WWOX: variants seen among roughly 807,000 people sequenced by gnomAD.
WWOX encodes WW domain containing oxidoreductase.
In WWOX, 69 loss-of-function variants were observed where a neutral mutation model predicts 46.2. The observed-to-expected ratio is 1.49, with a 90% CI of 1.23 to 1.82. The LOEUF (loss-of-function observed/expected upper bound fraction) is 1.82. Ranked by LOEUF, WWOX falls within the 40% of genes most tolerant of loss-of-function variation. The pLI is 0.00. For synonymous variants in WWOX, 359 were observed against 202.6 expected (o/e 1.77, Z -6.56); for missense variants, 919 against 542.6 (o/e 1.69, Z -6.89).
intron 8 of WWOX, among the ~76,000 whole-genome samples, chr16:79,037,634 A>G (rs1276084605): frequency 2.0e-5 from 3 of 152,184 alleles, no homozygotes; most frequent in Non-Finnish European, 4.4e-5. Flanking sequence ...GCAGGTTGCC[A>G]CACCCTCCCA....
At chr16:78,981,427 T>C (rs1238301008) in intron 8 of WWOX, among the ~76,000 whole-genome samples, 1 of 145,366 alleles carries the variant, frequency 6.9e-6, no homozygotes, top group African/African-American at 2.6e-5. Flanking sequence ...AGGATGATGT[T>C]TATATGAAGC....
intron 8 of WWOX, among the ~76,000 whole-genome samples, chr16:79,106,409 C>T: frequency 6.6e-6 from 1 of 152,036 alleles, no homozygotes. Context: ...CCTCTTACCT[C>T]TAAATTCTAC....
rs564453995 is a variant in WWOX at position 78,682,400 on chromosome 16, T to G, written c.1056+249648T>G. Among the ~76,000 whole-genome samples, 40 of 152,276 alleles carry G rather than the reference T, an allele frequency of 2.6e-4. 1 individual carries two copies. The highest frequency in any genetic ancestry group is 9.4e-4 in the African/African-American group (39 of 41,568). Reference sequence around the variant, plus strand: ...ATGAATGTTTCTGCATGTGGGTAGTTGGCACCAGTCTTCAATGAATTATTT... The same window carrying G: ...ATGAATGTTTCTGCATGTGGGTAGTGGGCACCAGTCTTCAATGAATTATTT... On this transcript the variant is annotated intron_variant, in intron 8 of 8. Transcript: ENST00000566780.
At chr16:78,535,440 G>A (rs1012106216) in intron 8 of WWOX, 1 of 152,224 alleles carries the variant, frequency 6.6e-6, no homozygotes, top group Non-Finnish European at 1.5e-5. Context: ...TCTGTAAAGA[G>A]AAGGCAAGAG....
At position 78,194,587 on chromosome 16, in the gene WWOX, C is replaced by CAAA. The variant is rs368008924; in HGVS notation, c.516+30314_516+30316dup. ...TGGGCGACAGAGTGAGACTCCATCT[C>CAAA]AAAAAAAAAAAAAAAAAAGATTTAT... On this transcript the variant is annotated intron_variant, in intron 5 of 8. Coordinates refer to ENST00000566780, the MANE Select transcript of WWOX (RefSeq NM_016373.4). Among the ~76,000 whole-genome samples the CAAA allele has an allele frequency of 3.1e-3, 305 of 98,432 alleles. 4 individuals are homozygous for CAAA. The highest frequency in any genetic ancestry group is 0.021 in the Middle Eastern group (4 of 190). 64.6% of individuals were successfully genotyped at this position (98,432 alleles called of 152,430 possible). A position where few individuals can be genotyped will look rare whatever the true frequency, so the allele number is the denominator to read the frequency against.
At chr16:78,885,329 G>C (rs1008334334) in intron 8 of WWOX, among the ~76,000 whole-genome samples, 1 of 151,358 alleles carries the variant, frequency 6.6e-6, no homozygotes, top group Non-Finnish European at 1.5e-5. Flanking sequence ...AATAACATTT[G>C]GTCAGTATAA....
chr16:78,747,081 C>T (rs561169986), intron 8 of WWOX, among the ~76,000 whole-genome samples: 7 of 152,218 alleles, frequency 4.6e-5, no homozygotes, highest in African/African-American at 1.7e-4. Flanking sequence ...TGCAACCACT[C>T]TAGTCTTCTT....
chr16:78,996,141 C>G, intron 8 of WWOX: 1 of 923,644 alleles, frequency 1.1e-6, no homozygotes, highest in Non-Finnish European at 1.3e-6. Flanking sequence ...GTAGAATGTT[C>G]TTTTTTTTAA....
chr16:78,633,096 C>T (rs979394042), intron 8 of WWOX, among the ~76,000 whole-genome samples: 1 of 152,018 alleles, frequency 6.6e-6, no homozygotes, highest in African/African-American at 2.4e-5. Context: ...AACCCTGTCT[C>T]TACTACAAAT....
intron 8 of WWOX, among the ~76,000 whole-genome samples, chr16:78,599,952 A>G (rs2045581713): frequency 6.6e-6 from 1 of 152,118 alleles, no homozygotes; most frequent in African/African-American, 2.4e-5. Flanking sequence ...TGATAAACAC[A>G]TACCTGAGGC....
chr16:79,046,013 G>T lies in WWOX; in HGVS notation c.1057-165595G>T, dbSNP rs1010875575. Among the ~76,000 whole-genome samples the T allele has an allele frequency of 2.6e-5, 4 of 151,914 alleles. No individual in the cohort carries two copies. The South Asian group carries it at 6.3e-4, about 24-fold the overall frequency. On this transcript the variant is annotated intron_variant, in intron 8 of 8. Coordinates refer to ENST00000566780, the MANE Select transcript of WWOX (RefSeq NM_016373.4). ...GACGGGCTTTCACCATGTTGGCCAG[G>T]CTGGCCTCGAGCTCCTGACCTCAGA...
intron 8 of WWOX, among the ~76,000 whole-genome samples, chr16:78,833,513 T>C (rs1046400406): frequency 6.6e-6 from 1 of 152,146 alleles, no homozygotes; most frequent in Non-Finnish European, 1.5e-5. Flanking sequence ...TGGGTTACAA[T>C]ACCTACAACG....
At chr16:78,108,877 A>G (rs1278708081) in intron 2 of WWOX, among the ~76,000 whole-genome samples, 1 of 152,168 alleles carries the variant, frequency 6.6e-6, no homozygotes, top group East Asian at 1.9e-4. Flanking sequence ...AATTCCAGCT[A>G]CTTTGGAGGC....
chr16:78,227,838 T>C (rs1458607277), intron 5 of WWOX, among the ~76,000 whole-genome samples: 1 of 152,148 alleles, frequency 6.6e-6, no homozygotes, highest in Non-Finnish European at 1.5e-5. Flanking sequence ...GTCGTGTCAG[T>C]GCACTCCAGC....
intron 8 of WWOX, among the ~76,000 whole-genome samples, chr16:78,886,341 T>A (rs1326531278): frequency 6.6e-6 from 1 of 151,896 alleles, no homozygotes; most frequent in Non-Finnish European, 1.5e-5. Context: ...TTTTGTGCAT[T>A]CTGTATTCTA....
At chr16:78,119,333 C>A (rs368242156) in intron 4 of WWOX, among the ~76,000 whole-genome samples, 14 of 152,168 alleles carry the variant, frequency 9.2e-5, no homozygotes, top group African/African-American at 3.4e-4. Context: ...TGAGGAAGGT[C>A]CCTGCTTCGT....
In WWOX at chr16:78,164,223, T is replaced by C; in HGVS notation, c.450T>C (p.His150=). Residue 150 remains histidine, a synonymous_variant, in exon 5 of 9, where the codon CAT becomes CAC. Transcript: ENST00000566780. The stretch of plus-strand genomic sequence containing the variant: ...AGTCTTTTGCCCTCCATGGTGCACA[T>C]GTGATCTTGGCCTGCAGGAACATGG... The part of the protein sequence containing the change: ...TAKSFALHGA[H]VILACRNMAR... The C allele has an allele frequency of 6.2e-7, 1 of 1,614,128 alleles. No homozygotes were observed. The highest frequency in any genetic ancestry group is 1.1e-5 in the South Asian group (1 of 91,074).
chr16:78,311,106 A>G (rs1404526710), intron 5 of WWOX, among the ~76,000 whole-genome samples: 3 of 152,194 alleles, frequency 2.0e-5, no homozygotes, highest in Non-Finnish European at 4.4e-5. Context: ...TGTGAAAAAT[A>G]CCAGACATCC....
intron 8 of WWOX, chr16:79,205,033 G>T (rs1449840156): frequency 6.6e-6 from 1 of 152,142 alleles, no homozygotes; most frequent in African/African-American, 2.4e-5. Flanking sequence ...AGCCAGACTC[G>T]GATTTGGGGG....
Sources: gnomAD v4.1 joint callset for allele counts (sites outside exome capture counted in the v4.1 genomes callset) on GRCh38, gnomAD v4.1.1 for gene constraint, MANE v1.5 for transcripts, NCBI Gene and HGNC (gene_info 2026-07-23, HGNC 2026-07-21) for gene names.